TGIF1: variants seen among roughly 807,000 people sequenced by gnomAD.
TGIF1 encodes the protein homeobox protein TGIF1.
A neutral mutation model predicts 19.3 loss-of-function variants in TGIF1; 4 were observed. The observed-to-expected ratio is 0.21, with a 90% CI of 0.10 to 0.47. The LOEUF is 0.47. Ranked by LOEUF, TGIF1 falls within the 20% of genes least tolerant of loss-of-function variation. The pLI is 0.98. For missense variants in TGIF1, 275 were observed against 341.4 expected, an observed-to-expected ratio of 0.81 and a Z score of 1.53; for synonymous variants, 122 against 129.3, an observed-to-expected ratio of 0.94 and a Z score of 0.38.
intron 2 of TGIF1, among the ~76,000 whole-genome samples, chr18:3,424,750 A>G (rs2082446946): frequency 6.6e-6 from 1 of 151,966 alleles, no homozygotes; most frequent in Non-Finnish European, 1.5e-5. Flanking sequence ...CTACTTAATG[A>G]CCCCTCCATA....
At chr18:3,443,150 A>G (rs1353387820) in intron 2 of TGIF1, among the ~76,000 whole-genome samples, 1 of 152,158 alleles carries the variant, frequency 6.6e-6, no homozygotes, top group Non-Finnish European at 1.5e-5. Flanking sequence ...CCCAGTACAC[A>G]ATCAGAAGGG....
intron 2 of TGIF1, among the ~76,000 whole-genome samples, chr18:3,439,036 A>G (rs551795672): frequency 6.6e-6 from 1 of 152,302 alleles, no homozygotes; most frequent in Admixed American, 6.5e-5. Context: ...AGACCGAGGA[A>G]TAAGGAGTTA....
At chr18:3,452,429 G>C in intron 1 of TGIF1, 2 of 1,612,188 alleles carry the variant, frequency 1.2e-6, no homozygotes, top group Non-Finnish European at 1.7e-6. Flanking sequence ...GGGCTCTTTG[G>C]GGGAGCCGAG....
intron 1 of TGIF1, among the ~76,000 whole-genome samples, chr18:3,453,099 ATT>A (rs796823144): frequency 6.7e-6 from 1 of 148,558 alleles, no homozygotes; most frequent in African/African-American, 2.5e-5. Context: ...GGAGATACTG[ATT>A]TTTTTTTTCT....
At chr18:3,429,415 A>T (rs1326852453) in intron 2 of TGIF1, among the ~76,000 whole-genome samples, 1 of 152,152 alleles carries the variant, frequency 6.6e-6, no homozygotes, top group Non-Finnish European at 1.5e-5. Flanking sequence ...GGGATTTCAC[A>T]GTTATTTTCT....
intron 1 of TGIF1, chr18:3,452,017 G>A (rs990248902): frequency 1.2e-6 from 2 of 1,608,432 alleles, no homozygotes; most frequent in African/African-American, 1.3e-5. Flanking sequence ...GCCGGGGTGG[G>A]CTCCCCGCAT....
At chr18:3,450,601 C>T (rs2082879272) in intron 1 of TGIF1, 96 bp downstream of exon 1, 3 of 1,545,784 alleles carry the variant, frequency 1.9e-6, no homozygotes, top group African/African-American at 1.4e-5. Flanking sequence ...TGGACTTTTC[C>T]GCCCAGGGGC....
At chr18:3,449,276 A>G, upstream of TGIF1, 1 of 481,408 alleles carries the variant, frequency 2.1e-6, no homozygotes, top group Non-Finnish European at 2.7e-6. Context: ...GTTGACCGAA[A>G]CAGACGAGCA....
At chr18:3,448,410 C>T (rs940398210), upstream of TGIF1, 6 of 999,626 alleles carry the variant, frequency 6.0e-6, no homozygotes, top group African/African-American at 8.7e-5. Flanking sequence ...CCACATCTGT[C>T]CCGCACCGGG....
intron 1 of TGIF1, among the ~76,000 whole-genome samples, chr18:3,417,593 T>C (rs1394744662): frequency 6.6e-6 from 1 of 152,242 alleles, no homozygotes; most frequent in Non-Finnish European, 1.5e-5. Context: ...TTTATATAAC[T>C]ATATCTATTT....
rs140444588 is a variant in TGIF1, at chr18:3,427,537, T to G, written c.-45+9322T>G. 9.3e-5 allele frequency among the ~76,000 whole-genome samples: 14 copies of G among 150,978 alleles called. No individual in the cohort carries two copies. In the East Asian group the frequency reaches 2.7e-3, roughly 30 times the overall value. ...AACTCTTGATCTCAAGTGATCCGCC[T>G]GCCTCAGCCTCCCAGAGTGCTAGGA... On this transcript the variant is annotated intron_variant, in intron 2 of 3. Coordinates refer to the TGIF1 transcript ENST00000401449.
At position 3,418,660 on chromosome 18, in the gene TGIF1, CTG is replaced by C. The variant is rs142741803; in HGVS notation, c.-45+461_-45+462del. ...AGAACCCATGGAAACCCAGGGCCAA[CTG>C]TGTGTGTGTGTGTGTATTCAGCTAA... On this transcript the variant is annotated intron_variant, in intron 2 of 3. Transcript: ENST00000401449. 6.7e-3 allele frequency: 1,005 copies of C among 150,816 alleles called. 9 individuals carry two copies. The highest frequency in any genetic ancestry group is 0.012 in the Non-Finnish European group (816 of 67,570). 9.3% of individuals were successfully genotyped at this position (150,816 alleles called of 1,614,324 possible). A position where few individuals can be genotyped will look rare whatever the true frequency, so the allele number is the denominator to read the frequency against.
chr18:3,449,297 G>A (rs117272117), upstream of TGIF1: 9,781 of 671,548 alleles, frequency 0.015, 95 homozygotes, highest in Non-Finnish European at 0.017. Flanking sequence ...GGCACGGCGT[G>A]GTCACCCCTT....
rs1321378744 is a variant in TGIF1 at position 3,456,209 on chromosome 18, A to T, written c.17-145A>T. The T allele has an allele frequency of 4.7e-6, 4 of 857,030 alleles. No individual in the cohort carries two copies. The highest frequency in any genetic ancestry group is 1.7e-5 in the Admixed American group (1 of 58,612). 53.1% of individuals were successfully genotyped at this position (857,030 alleles called of 1,614,324 possible). On this transcript the variant is annotated intron_variant, in intron 1 of 2. Transcript: ENST00000343820. The surrounding 1 kb of genome is among the most constrained non-coding windows in gnomAD (Gnocchi z 4.2). ...TCAAACTACTTTTACTTGGACCCTG[A>T]ATTCAGGACAGAAAACACTGCTCCT... is the stretch of plus-strand genomic sequence containing the variant.
At chr18:3,450,633 G>C in intron 1 of TGIF1, 128 bp downstream of exon 1, 1 of 1,524,096 alleles carries the variant, frequency 6.6e-7, no homozygotes, top group Non-Finnish European at 8.8e-7. Flanking sequence ...AGTGGCGGCC[G>C]TGCTCTTTGT....
intron 1 of TGIF1, chr18:3,452,016 GGCTCCCCGCA>G: frequency 2.5e-6 from 4 of 1,608,606 alleles, no homozygotes; most frequent in Non-Finnish European, 3.4e-6. Flanking sequence ...TGCCGGGGTG[GGCTCCCCGCA>G]TTGTTCGGGC....
chr18:3,417,902 C>A (rs1323193979), intron 1 of TGIF1, among the ~76,000 whole-genome samples: 1 of 152,064 alleles, frequency 6.6e-6, no homozygotes, highest in East Asian at 1.9e-4. Context: ...AGTTCAAGAC[C>A]AGCCTGGGCA....
At chr18:3,417,809 G>A (rs2082352027) in intron 1 of TGIF1, among the ~76,000 whole-genome samples, 1 of 151,992 alleles carries the variant, frequency 6.6e-6, no homozygotes, top group Admixed American at 6.6e-5. Context: ...TAGTAAAACG[G>A]TTATTCTGGC....
rs2049459421 is a variant in TGIF1 at position 3,459,551 on chromosome 18, A to G, written c.*1611A>G. On this transcript the variant is annotated 3_prime_UTR_variant, in exon 3 of 3. Transcript: ENST00000343820. Reference sequence around the variant, plus strand: ...AGTAAATACAAGGAACAAAATAAACATTAATAAAAATGAATGACGCAAAGG... The same window carrying G: ...AGTAAATACAAGGAACAAAATAAACGTTAATAAAAATGAATGACGCAAAGG... 6.6e-6 allele frequency: 1 copy of G among 152,198 alleles called. No individual in the cohort carries two copies. The highest frequency in any genetic ancestry group is 2.1e-4 in the South Asian group (1 of 4,830). The allele number at this position is 152,198 out of a possible 1,614,324, so 9.4% of individuals were successfully genotyped here.
Sources: allele counts gnomAD v4.1 joint callset (sites outside exome capture counted in the v4.1 genomes callset), GRCh38; gene constraint gnomAD v4.1.1; non-coding constraint Gnocchi (gnomAD v3.1); transcripts MANE v1.5; gene names NCBI Gene and HGNC (gene_info 2026-07-23, HGNC 2026-07-21).